The following ASB7 variants were observed in gnomAD, a reference collection of about 807,000 sequenced individuals.
ASB7 encodes the protein ankyrin repeat and SOCS box containing 7, also known as ankyrin repeat and SOCS box protein 7.
A neutral mutation model predicts 32.5 loss-of-function variants in ASB7; 4 were observed. The observed-to-expected ratio is 0.12, with a 90% CI of 0.06 to 0.28. The LOEUF (loss-of-function observed/expected upper bound fraction) is 0.28. ASB7 is among the 10% of genes least tolerant of loss of function. The pLI is 1.00. For synonymous variants in ASB7, 172 were observed against 155.6 expected (o/e 1.11, Z -0.78); for missense variants, 181 against 407.1 (o/e 0.44, Z 4.78).
chr15:100,642,296 A>T lies in ASB7; in HGVS notation c.818-6027A>T, dbSNP rs118078919. 4.2e-4 allele frequency among the ~76,000 whole-genome samples: 64 copies of T among 152,296 alleles called. 2 individuals are homozygous for T. In the East Asian group the frequency reaches 6.7e-3, roughly 16 times the overall value. ...TGTTGGCTCATTTTTGCCCTCTTGC[A>T]TCTTATCATAGACAGTGAAGAAAAG... On this transcript the variant is annotated intron_variant, in intron 5 of 5. Transcript: ENST00000332783.
At position 100,611,484 on chromosome 15, in the gene ASB7, C is replaced by CTTTTTTTGTTTTTTTTTTT; in HGVS notation, c.-51-675_-51-674insGTTTTTTTTTTTTTTTTTT. On this transcript the variant is annotated intron_variant, in intron 3 of 5. Transcript: ENST00000332783. ...GGTTAATCACCAGATTGTTTCGATT[C>CTTTTTTTGTTTTTTTTTTT]TTTTTTTTTTTTTGAGACAGAATTT... Among the ~76,000 whole-genome samples the CTTTTTTTGTTTTTTTTTTT allele has an allele frequency of 2.6e-5, 2 of 77,144 alleles. 1 individual carries two copies. Among genetic ancestry groups the CTTTTTTTGTTTTTTTTTTT allele is most frequent in the Non-Finnish European group, 4.6e-5 (2 of 43,162 alleles). 50.6% of individuals were successfully genotyped at this position (77,144 alleles called of 152,430 possible). A position where few individuals can be genotyped will look rare whatever the true frequency, so the allele number is the denominator to read the frequency against.
At chr15:100,604,982 C>T (rs1567110119) in intron 2 of ASB7, among the ~76,000 whole-genome samples, 1 of 152,114 alleles carries the variant, frequency 6.6e-6, no homozygotes, top group Non-Finnish European at 1.5e-5. Flanking sequence ...CTCTAGGACG[C>T]TTTCATTTCT....
At chr15:100,644,662 G>A (rs1354532287) in intron 5 of ASB7, among the ~76,000 whole-genome samples, 6 of 152,166 alleles carry the variant, frequency 3.9e-5, no homozygotes, top group Non-Finnish European at 5.9e-5. Flanking sequence ...TAATTAACAC[G>A]TAATCACCAA....
chr15:100,647,696 C>G (rs1007860026), intron 5 of ASB7, among the ~76,000 whole-genome samples: 1 of 152,174 alleles, frequency 6.6e-6, no homozygotes, highest in Non-Finnish European at 1.5e-5. Context: ...CTGCTGCACT[C>G]CTCAACTGTC....
chr15:100,612,558 T>C, intron 4 of ASB7, 131 bp downstream of exon 4: 1 of 874,492 alleles, frequency 1.1e-6, no homozygotes, highest in Non-Finnish European at 1.8e-6. Flanking sequence ...CTCTCCTTTG[T>C]GAAGATTTGC....
rs1230853280 is a variant in ASB7, at chr15:100,650,038, C to T, written c.*1576C>T. The T allele has an allele frequency of 6.6e-6, 1 of 152,218 alleles. No homozygotes were observed. The highest frequency in any genetic ancestry group is 2.4e-5 in the African/African-American group (1 of 41,452). The allele number at this position is 152,218 out of a possible 1,614,324, so 9.4% of individuals were successfully genotyped here. A position where few individuals can be genotyped will look rare whatever the true frequency, so the allele number is the denominator to read the frequency against. On this transcript the variant is annotated 3_prime_UTR_variant, in exon 6 of 6. Coordinates refer to ENST00000332783, the MANE Select transcript of ASB7 (RefSeq NM_198243.3). ...AGCAGTGCTGTTTTCTCAAGCACAG[C>T]GTTTGCTCTTAGACTCTGATCTGCT...
Position 100,602,805 on chromosome 15 carries a change from C to G in ASB7, c.-514C>G, listed in dbSNP as rs967116424. ...CGAGCCCTGGACCGGGACTGCCCCC[C>G]CACCCGAGCCAGGACTTCCTCCCTG... On this transcript the variant is annotated 5_prime_UTR_variant, in exon 1 of 6. Transcript: ENST00000332783. The G allele has an allele frequency of 5.1e-6, 2 of 391,918 alleles. No individual in the cohort carries two copies. The highest frequency in any genetic ancestry group is 9.0e-6 in the Non-Finnish European group (2 of 222,544). 24.3% of individuals were successfully genotyped at this position (391,918 alleles called of 1,614,324 possible). A position where few individuals can be genotyped will look rare whatever the true frequency, so the allele number is the denominator to read the frequency against.
At chr15:100,634,563 G>A (rs921997298) in intron 5 of ASB7, among the ~76,000 whole-genome samples, 1 of 152,174 alleles carries the variant, frequency 6.6e-6, no homozygotes, top group East Asian at 1.9e-4. Flanking sequence ...CAGCACTTTG[G>A]GAGGCCAAAG....
chr15:100,637,223 C>G (rs976885995), intron 5 of ASB7, among the ~76,000 whole-genome samples: 1 of 152,196 alleles, frequency 6.6e-6, no homozygotes. Flanking sequence ...GGGACACCAT[C>G]TTTACTGGAA....
chr15:100,620,923 C>A (rs1487325326), intron 4 of ASB7, among the ~76,000 whole-genome samples: 1 of 152,128 alleles, frequency 6.6e-6, no homozygotes, highest in African/African-American at 2.4e-5. Flanking sequence ...CCAGAGGAAC[C>A]TGAGAAAACC....
In ASB7 at chr15:100,651,331, C is replaced by G. The variant is rs1035327827; in HGVS notation, c.*2869C>G. On this transcript the variant is annotated 3_prime_UTR_variant, in exon 6 of 6. Transcript: ENST00000332783. ...ATGCCTGTTAGTTTGGAGGACTTGA[C>G]TGTCTCATTTTTTAATTCATTGTCA... The G allele has an allele frequency of 3.9e-5, 6 of 151,976 alleles. No homozygotes were observed. Among genetic ancestry groups the G allele is most frequent in the African/African-American group, 9.7e-5 (4 of 41,378 alleles). The allele number at this position is 151,976 out of a possible 1,614,324, so 9.4% of individuals were successfully genotyped here.
At chr15:100,619,957 G>C (rs370878532) in intron 4 of ASB7, among the ~76,000 whole-genome samples, 3 of 152,322 alleles carry the variant, frequency 2.0e-5, no homozygotes, top group South Asian at 4.1e-4. Context: ...GCTGTCCATA[G>C]CAGGTGTGGT....
intron 2 of ASB7, among the ~76,000 whole-genome samples, chr15:100,608,299 C>T (rs903009831): frequency 1.3e-5 from 2 of 152,194 alleles, no homozygotes; most frequent in East Asian, 1.9e-4. Context: ...TCAGTTTCTC[C>T]TACTAACATC....
intron 4 of ASB7, among the ~76,000 whole-genome samples, chr15:100,627,687 C>T (rs530082759): frequency 6.6e-6 from 1 of 152,210 alleles, no homozygotes; most frequent in East Asian, 1.9e-4. Flanking sequence ...TCAAATAGAA[C>T]GAGTATAGGA....
Position 100,650,040 on chromosome 15 carries a change from T to C in ASB7, c.*1578T>C, listed in dbSNP as rs2040020775. 6.6e-6 allele frequency: 1 copy of C among 152,204 alleles called. No individual in the cohort carries two copies. Among genetic ancestry groups the C allele is most frequent in the Admixed American group, 6.5e-5 (1 of 15,278 alleles). 9.4% of individuals were successfully genotyped at this position (152,204 alleles called of 1,614,324 possible). A position where few individuals can be genotyped will look rare whatever the true frequency, so the allele number is the denominator to read the frequency against. On this transcript the variant is annotated 3_prime_UTR_variant, in exon 6 of 6. Coordinates refer to ENST00000332783, the MANE Select transcript of ASB7 (RefSeq NM_198243.3). Reference sequence around the variant, plus strand: ...CAGTGCTGTTTTCTCAAGCACAGCGTTTGCTCTTAGACTCTGATCTGCTTG... The same window carrying C: ...CAGTGCTGTTTTCTCAAGCACAGCGCTTGCTCTTAGACTCTGATCTGCTTG...
rs182787270 is a variant in ASB7, at chr15:100,631,020, T to C, written c.817+978T>C. 3.0e-3 allele frequency among the ~76,000 whole-genome samples: 450 copies of C among 152,344 alleles called. 2 individuals carry two copies. Among genetic ancestry groups the C allele is most frequent in the African/African-American group, 0.01 (426 of 41,570 alleles). On this transcript the variant is annotated intron_variant, in intron 5 of 5. Transcript: ENST00000332783. ...TGACCTGCTTGTAAGTAACCCACTCTACCCCTTGGAGCGGGCCTTTGGAGT... is the reference window on the plus strand; with the variant it reads ...TGACCTGCTTGTAAGTAACCCACTCCACCCCTTGGAGCGGGCCTTTGGAGT...
chr15:100,621,332 TA>T (rs905692375), intron 4 of ASB7, among the ~76,000 whole-genome samples: 1 of 152,136 alleles, frequency 6.6e-6, no homozygotes, highest in African/African-American at 2.4e-5. Context: ...GATGTAGTTT[TA>T]AAAAAAGCCT....
At chr15:100,603,143 C>T in intron 1 of ASB7, 72 bp from the exon 2 acceptor site, 3 of 396,272 alleles carry the variant, frequency 7.6e-6, no homozygotes, top group Non-Finnish European at 8.9e-6. Context: ...TGCCACTCTC[C>T]AGCCCCTTTC....
chr15:100,646,527 G>A (rs2039998183), intron 5 of ASB7: 2 of 426,360 alleles, frequency 4.7e-6, no homozygotes, highest in Non-Finnish European at 9.7e-6. Context: ...ACTCATTTCT[G>A]CCCTTTAGTA....
Sources: allele counts gnomAD v4.1 joint callset (sites outside exome capture counted in the v4.1 genomes callset), GRCh38; gene constraint gnomAD v4.1.1; transcripts MANE v1.5; gene names NCBI Gene and HGNC (gene_info 2026-07-23, HGNC 2026-07-21).